The following PCDHGA4 variants were observed in gnomAD, a reference collection of about 807,000 sequenced individuals.
PCDHGA4 encodes the protein protocadherin gamma subfamily A, 4, also known as protocadherin gamma-A4.
Under a neutral mutation model 54.6 loss-of-function variants are expected in PCDHGA4, and 38 were observed. That is an observed-to-expected ratio of 0.70 (90% CI 0.54 to 0.91). The LOEUF is 0.91. Among genes scored for constraint, PCDHGA4 ranks in the 40% least tolerant of loss-of-function variants. PCDHGA4 has a pLI of 0.00. For synonymous variants in PCDHGA4, 511 were observed against 512.9 expected, an observed-to-expected ratio of 1.00 and a Z score of 0.05; for missense variants, 1,298 against 1,220.9, an observed-to-expected ratio of 1.06 and a Z score of -0.94.
intron 1 of PCDHGA4, 63 bp from the exon 2 acceptor site, chr5:141,494,744 G>T: frequency 6.2e-7 from 1 of 1,612,702 alleles, no homozygotes; most frequent in South Asian, 1.1e-5. Flanking sequence ...CATCCCTAGG[G>T]GCTCGGGTGA....
chr5:141,366,403 C>CT (rs1296449913), intron 1 of PCDHGA4: 9 of 1,614,094 alleles, frequency 5.6e-6, no homozygotes, highest in African/African-American at 1.3e-5. Context: ...ACCTCACACT[C>CT]TATCTTGTGG....
intron 1 of PCDHGA4, chr5:141,396,086 G>T (rs2093341467): frequency 6.6e-6 from 1 of 152,152 alleles, no homozygotes; most frequent in Non-Finnish European, 1.5e-5. Flanking sequence ...GATGTGAAGT[G>T]GTGAGAATGT....
At position 141,365,444 on chromosome 5, in the gene PCDHGA4, C is replaced by G. The variant is rs771471249; in HGVS notation, c.2514+7823C>G. 3 of 1,613,872 alleles carry G rather than the reference C, an allele frequency of 1.9e-6. No homozygotes were observed. The highest frequency in any genetic ancestry group is 3.3e-5 in the Admixed American group (2 of 60,006). On this transcript the variant is annotated intron_variant, in intron 1 of 3. Coordinates refer to ENST00000571252, the MANE Select transcript of PCDHGA4 (RefSeq NM_018917.4). ...AACTGTAATCGCGCTGTTTAGCGTACATGATGGTGATTCTGGAGAAAATGG... is the reference window on the plus strand; with the variant it reads ...AACTGTAATCGCGCTGTTTAGCGTAGATGATGGTGATTCTGGAGAAAATGG...
Position 141,487,494 on chromosome 5 carries a change from C to A in PCDHGA4, c.2515-7313C>A, listed in dbSNP as rs116370895. On this transcript the variant is annotated intron_variant, in intron 1 of 3. Transcript: ENST00000571252. The surrounding 1 kb of genome is among the most constrained non-coding windows in gnomAD (Gnocchi z 5.0). The stretch of plus-strand genomic sequence containing the variant: ...GGAGGCCACTCTCATGGCTGTACAC[C>A]CTTGGCTTCTGCACCCACTCGGAGT... 1,421 of 1,614,120 alleles carry A rather than the reference C, an allele frequency of 8.8e-4. 3 individuals are homozygous for A. Among genetic ancestry groups the A allele is most frequent in the Non-Finnish European group, 1.2e-3 (1,358 of 1,180,034 alleles).
At chr5:141,371,025 G>A (rs752262300) in intron 1 of PCDHGA4, 1 of 1,613,988 alleles carries the variant, frequency 6.2e-7, no homozygotes, top group Non-Finnish European at 8.5e-7. Flanking sequence ...TCACCACCTG[G>A]TCCTCACAGC....
At chr5:141,366,924 G>T in intron 1 of PCDHGA4, 1 of 997,638 alleles carries the variant, frequency 1.0e-6, no homozygotes, top group Non-Finnish European at 1.4e-6. Flanking sequence ...TTCAAATTCT[G>T]TTTTGGGAAG....
At chr5:141,423,460 G>A in intron 1 of PCDHGA4, 1 of 1,614,046 alleles carries the variant, frequency 6.2e-7, no homozygotes, top group Non-Finnish European at 8.5e-7. Context: ...TGTAGGCGTG[G>A]ACGGGGTACA....
intron 1 of PCDHGA4, chr5:141,417,692 C>A: frequency 9.2e-7 from 1 of 1,089,116 alleles, no homozygotes; most frequent in Non-Finnish European, 1.3e-6. Context: ...AAAAGAAAAC[C>A]AGCTCCCACA....
In PCDHGA4 at chr5:141,356,609, C is replaced by T; in HGVS notation, c.1502C>T (p.Ser501Phe). Residue 501 changes from serine (S) to phenylalanine (F), a missense_variant, in exon 1 of 4, where the codon TCC becomes TTC. Physicochemically the swap from Ser to Phe is radical, Grantham distance 155 (BLOSUM62 -2). Transcript: ENST00000571252. ...CCTGAAAACAACCCCAGAGGAGCCTCCATCTTATCTATGACTGCTCAAGAC... is the reference window on the plus strand; with the variant it reads ...CCTGAAAACAACCCCAGAGGAGCCTTCATCTTATCTATGACTGCTCAAGAC... ...YIPENNPRGA[S>F]ILSMTAQDPD... 6.2e-7 allele frequency: 1 copy of T among 1,614,184 alleles called. No individual in the cohort carries two copies. The highest frequency in any genetic ancestry group is 8.5e-7 in the Non-Finnish European group (1 of 1,180,036).
chr5:141,421,586 T>A (rs750525078), intron 1 of PCDHGA4: 2 of 1,613,602 alleles, frequency 1.2e-6, no homozygotes, highest in Admixed American at 3.3e-5. Context: ...ATTTACGGAG[T>A]GGAGGTGGAA....
intron 1 of PCDHGA4, among the ~76,000 whole-genome samples, chr5:141,437,573 G>A (rs923321760): frequency 1.3e-5 from 2 of 152,164 alleles, no homozygotes; most frequent in African/African-American, 4.8e-5. Flanking sequence ...GAGTATAGCT[G>A]TGATCATGAA....
intron 1 of PCDHGA4, among the ~76,000 whole-genome samples, chr5:141,449,342 C>T (rs895923034): frequency 3.3e-5 from 5 of 151,854 alleles, no homozygotes; most frequent in Non-Finnish European, 5.9e-5. Context: ...TGCAGTGGCT[C>T]ACTCCTGTAA....
chr5:141,420,313 C>A, intron 1 of PCDHGA4: 1 of 1,434,874 alleles, frequency 7.0e-7, no homozygotes, highest in Non-Finnish European at 9.4e-7. Flanking sequence ...TTTTATATTA[C>A]AATATGCCAA....
chr5:141,506,742 A>G (rs1475692668), intron 3 of PCDHGA4, among the ~76,000 whole-genome samples: 5 of 152,172 alleles, frequency 3.3e-5, no homozygotes, highest in Non-Finnish European at 7.3e-5. Context: ...AATGCCTATT[A>G]ATAAAGACTA....
At chr5:141,499,244 CAA>C (rs1191956146) in intron 2 of PCDHGA4, among the ~76,000 whole-genome samples, 1 of 152,090 alleles carries the variant, frequency 6.6e-6, no homozygotes, top group Non-Finnish European at 1.5e-5. Flanking sequence ...AGCCTCTGCA[CAA>C]AGAGTCTCCA....
intron 1 of PCDHGA4, chr5:141,371,697 A>T (rs1002155350): frequency 6.2e-7 from 1 of 1,613,958 alleles, no homozygotes; most frequent in African/African-American, 1.3e-5. Context: ...GCTCTCCTCC[A>T]GCAAGACCAT....
At chr5:141,383,865 A>C in intron 1 of PCDHGA4, 3 of 1,614,012 alleles carry the variant, frequency 1.9e-6, no homozygotes, top group Non-Finnish European at 2.5e-6. Context: ...TTCAGGCTCA[A>C]GATGGTCCTG....
chr5:141,386,594 C>T (rs573192677), intron 1 of PCDHGA4, among the ~76,000 whole-genome samples: 2 of 151,204 alleles, frequency 1.3e-5, no homozygotes, highest in Non-Finnish European at 2.9e-5. Flanking sequence ...GTGGGGGATA[C>T]ATTTTTTTTT....
In PCDHGA4 at chr5:141,493,668, GC is replaced by G. The variant is rs1178535601; in HGVS notation, c.2515-1135del. On this transcript the variant is annotated intron_variant, in intron 1 of 3. Coordinates refer to ENST00000571252, the MANE Select transcript of PCDHGA4 (RefSeq NM_018917.4). This position sits in a 1 kb window ranked among gnomAD's most constrained non-coding sequence, Gnocchi z 4.3. ...CATCCCTGTGCCCTTCTCCATGGCAGCCCCAGAATGGTGCTGGTGACTCCCG... is the reference window on the plus strand; with the variant it reads ...CATCCCTGTGCCCTTCTCCATGGCAGCCCAGAATGGTGCTGGTGACTCCCG... Among the ~76,000 whole-genome samples the G allele has an allele frequency of 6.6e-6, 1 of 152,140 alleles. No individual in the cohort carries two copies. The highest frequency in any genetic ancestry group is 2.4e-5 in the African/African-American group (1 of 41,422).
Sources: allele counts gnomAD v4.1 joint callset (sites outside exome capture counted in the v4.1 genomes callset), GRCh38; gene constraint gnomAD v4.1.1; non-coding constraint Gnocchi (gnomAD v3.1); transcripts MANE v1.5; gene names NCBI Gene and HGNC (gene_info 2026-07-23, HGNC 2026-07-21).